The following TMX4 variants were observed in gnomAD, a reference collection of about 807,000 sequenced individuals.
The protein encoded by TMX4 is thioredoxin related transmembrane protein 4, also known as thioredoxin-related transmembrane protein 4.
A neutral mutation model predicts 33.3 loss-of-function variants in TMX4; 23 were observed. The observed-to-expected ratio is 0.69, with a 90% CI of 0.50 to 0.98. The LOEUF (loss-of-function observed/expected upper bound fraction) is 0.98, where lower values mean the gene tolerates loss of function less well. Ranked by LOEUF, TMX4 falls within the 50% of genes least tolerant of loss-of-function variation. The pLI, the probability that TMX4 is intolerant of heterozygous loss-of-function variation, is 0.00. For missense variants in TMX4, 399 were observed against 448.9 expected (o/e 0.89, Z 1.01); for synonymous variants, 164 against 161.5 (o/e 1.02, Z -0.12).
chr20:8,018,521 A>AGAGG (rs2050793249), intron 1 of TMX4, among the ~76,000 whole-genome samples: 6 of 42,104 alleles, frequency 1.4e-4, no homozygotes, highest in Non-Finnish European at 1.4e-4. Flanking sequence ...AGAGAGAGAG[A>AGAGG]GAGAGAGTCT....
chr20:8,001,369 C>G, intron 3 of TMX4, 127 bp downstream of exon 3: 1 of 968,480 alleles, frequency 1.0e-6, no homozygotes, highest in East Asian at 2.7e-5. Flanking sequence ...TCACTCAGAG[C>G]ACACCAGCCT....
intron 2 of TMX4, among the ~76,000 whole-genome samples, chr20:8,007,565 T>C (rs548810463): frequency 2.1e-4 from 32 of 152,328 alleles, no homozygotes; most frequent in Middle Eastern, 6.8e-3. Context: ...TCTAAACTCC[T>C]TGTCATGGCC....
intron 5 of TMX4, among the ~76,000 whole-genome samples, chr20:7,991,048 A>G (rs1264053242): frequency 6.6e-6 from 1 of 152,248 alleles, no homozygotes; most frequent in African/African-American, 2.4e-5. Context: ...GTTTTAAAAT[A>G]CACTTTGTTC....
chr20:7,991,834 GA>G (rs11087787), intron 5 of TMX4, among the ~76,000 whole-genome samples: 1,733 of 145,956 alleles, frequency 0.012, 15 homozygotes, highest in Middle Eastern at 0.029. Context: ...TCTATGGCTG[GA>G]AAAAAAAAAA....
intron 1 of TMX4, among the ~76,000 whole-genome samples, chr20:8,011,483 A>T (rs1370724953): frequency 6.6e-6 from 1 of 152,112 alleles, no homozygotes; most frequent in Non-Finnish European, 1.5e-5. Flanking sequence ...ATTAAAAAAA[A>T]AAATCAATGC....
At chr20:8,019,167 G>A (rs1330462422) in intron 1 of TMX4, 9 of 477,854 alleles carry the variant, frequency 1.9e-5, no homozygotes, top group Non-Finnish European at 3.0e-5. Flanking sequence ...GGCTGTCACC[G>A]CGAGGGCTCG....
At chr20:7,990,294 C>CAA (rs11483773) in intron 5 of TMX4, among the ~76,000 whole-genome samples, 18 of 128,278 alleles carry the variant, frequency 1.4e-4, no homozygotes, top group Admixed American at 3.9e-4. Flanking sequence ...GACTCTGCCT[C>CAA]AAAAAAAAAA....
rs568826065 is a variant in TMX4 at position 7,979,924 on chromosome 20, T to A, written c.*2327A>T. The A allele has an allele frequency of 6.6e-6, 1 of 152,304 alleles. No individual in the cohort carries two copies. The highest frequency in any genetic ancestry group is 2.1e-4 in the South Asian group (1 of 4,820). The allele number at this position is 152,304 out of a possible 1,614,324, so 9.4% of individuals were successfully genotyped here. On this transcript the variant is annotated 3_prime_UTR_variant, in exon 8 of 8. Coordinates refer to ENST00000246024, the MANE Select transcript of TMX4 (RefSeq NM_021156.4). ...CTAAACACAAAATTCATTTGTTTTATATACACCTTATACAACATAGCTTGA... is the reference window on the plus strand; with the variant it reads ...CTAAACACAAAATTCATTTGTTTTAAATACACCTTATACAACATAGCTTGA...
At chr20:7,991,194 A>G (rs985110014) in intron 5 of TMX4, among the ~76,000 whole-genome samples, 1 of 152,238 alleles carries the variant, frequency 6.6e-6, no homozygotes, top group African/African-American at 2.4e-5. Context: ...CCAAGGATGT[A>G]GCACATCTTA....
chr20:8,010,055 AT>A (rs368423117), intron 2 of TMX4, 144 bp downstream of exon 2: 1 of 580,246 alleles, frequency 1.7e-6, no homozygotes, highest in African/African-American at 1.9e-5. Flanking sequence ...AGATCCAAGT[AT>A]GCAAAAAATG....
intron 2 of TMX4, among the ~76,000 whole-genome samples, 194 bp downstream of exon 2, chr20:8,010,006 T>C (rs951057196): frequency 6.6e-6 from 1 of 151,866 alleles, no homozygotes; most frequent in African/African-American, 2.4e-5. Context: ...TAGAAATATA[T>C]ATGCAAATAT....
Position 7,987,305 on chromosome 20 carries a change from CA to C in TMX4, c.597del (p.Phe199LeufsTer11), listed in dbSNP as rs774293568. The C allele has an allele frequency of 2.5e-6, 4 of 1,589,796 alleles. No individual in the cohort carries two copies. The highest frequency in any genetic ancestry group is 2.3e-5 in the East Asian group (1 of 43,272). On this transcript the variant is annotated frameshift_variant, in exon 6 of 8. Transcript: ENST00000246024. LOFTEE classifies it high-confidence loss of function. ...TCTCTTACCAGACCCATAAAAAGGC[CA>C]AAAACCAAGGTGGCTATGACGAAAA... Reference protein sequence around the residue: ...YVFFVIATLVFGLFMGLVLVV... With the variant: ...YVFFVIATLVXGLFMGLVLVV...
chr20:7,979,792 C>T lies in TMX4; in HGVS notation c.*2459G>A, dbSNP rs1220296474. The T allele has an allele frequency of 1.3e-5, 2 of 150,238 alleles. No homozygotes were observed. Among genetic ancestry groups the T allele is most frequent in the African/African-American group, 4.9e-5 (2 of 40,828 alleles). 9.3% of individuals were successfully genotyped at this position (150,238 alleles called of 1,614,324 possible). On this transcript the variant is annotated 3_prime_UTR_variant, in exon 8 of 8. Coordinates refer to ENST00000246024, the MANE Select transcript of TMX4 (RefSeq NM_021156.4). ...TCTTATTATATAATTAGATATAGGT[C>T]AAATATCCCTTATCCAAAATGTGTG...
chr20:8,006,849 C>T (rs2050732961), intron 2 of TMX4, among the ~76,000 whole-genome samples: 1 of 151,610 alleles, frequency 6.6e-6, no homozygotes, highest in Non-Finnish European at 1.5e-5. Context: ...ACCTCTGCCT[C>T]CCGGGTTCAA....
chr20:7,995,061 T>C (rs955706879), intron 5 of TMX4, among the ~76,000 whole-genome samples: 3 of 152,198 alleles, frequency 2.0e-5, no homozygotes, highest in African/African-American at 7.2e-5. Flanking sequence ...TGGTAGGTAT[T>C]CTATCTCACA....
In TMX4 at chr20:7,996,005, G is replaced by T. The variant is rs200754451; in HGVS notation, c.513+21C>A. 1.4e-5 allele frequency: 22 copies of T among 1,579,404 alleles called. No homozygotes were observed. In the African/African-American group the frequency reaches 2.7e-4, roughly 20 times the overall value. On this transcript the variant is annotated intron_variant, in intron 5 of 7. Transcript: ENST00000246024. ...TCTTAACCTCTCTGCAAATATAAAC[G>T]TTTTATTTAAGATTACTTACCCATA...
In TMX4 at chr20:7,980,655, A is replaced by G. The variant is rs2050601297; in HGVS notation, c.*1596T>C. ...GGTGACTCTTAACAAACTTCAGCAT[A>G]CTGGGGAAGGAGACTGTCAAGTAAC... is the stretch of plus-strand genomic sequence containing the variant. On this transcript the variant is annotated 3_prime_UTR_variant, in exon 8 of 8. Transcript: ENST00000246024. The G allele has an allele frequency of 6.6e-6, 1 of 152,274 alleles. No individual in the cohort carries two copies. The highest frequency in any genetic ancestry group is 1.5e-5 in the Non-Finnish European group (1 of 68,062). The allele number at this position is 152,274 out of a possible 1,614,324, so 9.4% of individuals were successfully genotyped here. A position where few individuals can be genotyped will look rare whatever the true frequency, so the allele number is the denominator to read the frequency against.
At chr20:8,010,406 A>G in intron 1 of TMX4, 91 bp from the exon 2 acceptor site, 1 of 811,742 alleles carries the variant, frequency 1.2e-6, no homozygotes. Context: ...AAAATAAATT[A>G]TTAAAAAAGG....
rs190993610 is a variant in TMX4 at position 7,996,137 on chromosome 20, T to C, written c.468-66A>G. ...CTATAAAAAAAAAATGAAAATCAGGTCAGGAGGACTGGTCTATTTCCCTCC... is the reference window on the plus strand; with the variant it reads ...CTATAAAAAAAAAATGAAAATCAGGCCAGGAGGACTGGTCTATTTCCCTCC... On this transcript the variant is annotated intron_variant, in intron 4 of 7. Coordinates refer to ENST00000246024, the MANE Select transcript of TMX4 (RefSeq NM_021156.4). 522 of 1,305,628 alleles carry C rather than the reference T, an allele frequency of 4.0e-4. 1 individual carries two copies. The African/African-American group carries it at 7.6e-3, about 19-fold the overall frequency. 80.9% of individuals were successfully genotyped at this position (1,305,628 alleles called of 1,614,324 possible). A position where few individuals can be genotyped will look rare whatever the true frequency, so the allele number is the denominator to read the frequency against.
Sources: allele counts gnomAD v4.1 joint callset (sites outside exome capture counted in the v4.1 genomes callset), GRCh38; gene constraint gnomAD v4.1.1; transcripts MANE v1.5; gene names NCBI Gene and HGNC (gene_info 2026-07-23, HGNC 2026-07-21).